The following KLRG1 variants were observed in gnomAD, a reference collection of about 807,000 sequenced individuals.
The protein encoded by KLRG1 is killer cell lectin-like receptor subfamily G member 1.
KLRG1 carries 16 observed loss-of-function variants against 21.8 expected under a neutral mutation model. The ratio of observed to expected loss-of-function variants is 0.73; its 90% CI spans 0.50 to 1.11. The LOEUF (loss-of-function observed/expected upper bound fraction) is 1.11, where lower values mean the gene tolerates loss of function less well. KLRG1 is among the 50% of genes most tolerant of loss of function. KLRG1 has a pLI of 0.00. For missense variants in KLRG1, 173 were observed against 218.3 expected, an observed-to-expected ratio of 0.79 and a Z score of 1.31; for synonymous variants, 69 against 75.9, an observed-to-expected ratio of 0.91 and a Z score of 0.47.
chr12:8,974,584 A>T (rs777837513), intron 1 of KLRG1, among the ~76,000 whole-genome samples: 7 of 152,262 alleles, frequency 4.6e-5, no homozygotes, highest in Middle Eastern at 6.8e-3. Context: ...TTATGAATGA[A>T]TGTCAAATTT....
chr12:8,990,392 C>A (rs1946933524), intron 1 of KLRG1: 1 of 152,054 alleles, frequency 6.6e-6, no homozygotes, highest in African/African-American at 2.4e-5. Context: ...GTATCGTAGG[C>A]AGTGAACTCC....
chr12:9,035,663 A>G, the KLRG1 span, among the ~76,000 whole-genome samples: 2 of 152,180 alleles, frequency 1.3e-5, no homozygotes, highest in African/African-American at 2.4e-5. Flanking sequence ...ACCCAAAGGA[A>G]TATAAATTGT....
At chr12:9,093,460 C>T in the KLRG1 span, 4 of 1,607,958 alleles carry the variant, frequency 2.5e-6, no homozygotes, top group Non-Finnish European at 3.4e-6. Context: ...CAGGAAGTTA[C>T]TTACTTTACC....
chr12:9,113,614 C>T, the KLRG1 span: 2 of 1,423,086 alleles, frequency 1.4e-6, no homozygotes, highest in Non-Finnish European at 2.0e-6. Flanking sequence ...CACTTTTTTC[C>T]ATCATCATAA....
intron 1 of KLRG1, among the ~76,000 whole-genome samples, chr12:8,965,716 T>C (rs1402741960): frequency 6.6e-6 from 1 of 152,238 alleles, no homozygotes; most frequent in Non-Finnish European, 1.5e-5. Context: ...GAACATTCCA[T>C]GCTCATGGGT....
chr12:9,143,831 A>C, the KLRG1 span, among the ~76,000 whole-genome samples: 1 of 152,212 alleles, frequency 6.6e-6, no homozygotes, highest in African/African-American at 2.4e-5. Context: ...TGGAGAGGAC[A>C]TAGGAATTTT....
chr12:8,953,220 T>C (rs1163038662), intron 1 of KLRG1, among the ~76,000 whole-genome samples: 2 of 152,176 alleles, frequency 1.3e-5, no homozygotes, highest in Non-Finnish European at 2.9e-5. Context: ...ATGGAACAGC[T>C]CTCAGCGGAG....
the KLRG1 span, among the ~76,000 whole-genome samples, chr12:9,059,955 G>C: frequency 6.6e-6 from 1 of 150,518 alleles, no homozygotes; most frequent in African/African-American, 2.5e-5. Flanking sequence ...AAAGTGTTGG[G>C]GTTACAGGTG....
chr12:9,132,018 T>G, the KLRG1 span, among the ~76,000 whole-genome samples: 1 of 152,100 alleles, frequency 6.6e-6, no homozygotes. Flanking sequence ...TTTGCTTTCT[T>G]AAAAAGAAGA....
chr12:9,069,154 G>T, the KLRG1 span: 1 of 200,562 alleles, frequency 5.0e-6, no homozygotes, highest in Middle Eastern at 1.8e-3. Flanking sequence ...ATTTGGTATA[G>T]TTTGACTTCT....
the KLRG1 span, among the ~76,000 whole-genome samples, chr12:9,203,373 G>A: frequency 3.7e-4 from 46 of 124,158 alleles, no homozygotes; most frequent in African/African-American, 1.4e-3. Flanking sequence ...ACGGAGTCTC[G>A]CTCTGTCGCC....
the KLRG1 span, among the ~76,000 whole-genome samples, chr12:9,129,395 CT>C: frequency 3.3e-5 from 5 of 151,800 alleles, no homozygotes; most frequent in Non-Finnish European, 7.4e-5. Context: ...TAAATTTTTT[CT>C]AATCTTTCTC....
At chr12:9,213,718 T>C in the KLRG1 span, among the ~76,000 whole-genome samples, 1 of 152,128 alleles carries the variant, frequency 6.6e-6, no homozygotes, top group Non-Finnish European at 1.5e-5. Flanking sequence ...GTTCTTTACA[T>C]ATTTTGGATC....
intron 1 of KLRG1, among the ~76,000 whole-genome samples, chr12:8,967,829 T>G (rs1360759585): frequency 6.6e-6 from 1 of 152,112 alleles, no homozygotes; most frequent in African/African-American, 2.4e-5. Context: ...GGTATACTAT[T>G]GTAAAGTTCA....
chr12:9,157,398 A>G, the KLRG1 span: 5 of 1,565,880 alleles, frequency 3.2e-6, no homozygotes, highest in Non-Finnish European at 4.3e-6. Flanking sequence ...GGGTGAATAG[A>G]GGGCAGAGCA....
chr12:9,095,511 C>T, the KLRG1 span: 1 of 1,596,382 alleles, frequency 6.3e-7, no homozygotes, highest in South Asian at 1.1e-5. Flanking sequence ...AGCTTAAGAT[C>T]AGACCATCTG....
chr12:9,091,529 A>G, the KLRG1 span: 1,325 of 1,233,906 alleles, frequency 1.1e-3, 2 homozygotes, highest in Non-Finnish European at 1.4e-3. Flanking sequence ...TGACTTAAAA[A>G]CACTCAATAG....
intron 3 of KLRG1, among the ~76,000 whole-genome samples, chr12:8,995,668 A>T (rs950315021): frequency 1.3e-5 from 2 of 150,184 alleles, no homozygotes; most frequent in African/African-American, 4.9e-5. Flanking sequence ...TACAGGTCCA[A>T]CAACAAGGCA....
the KLRG1 span, among the ~76,000 whole-genome samples, chr12:9,076,000 T>C: frequency 6.6e-6 from 1 of 152,216 alleles, no homozygotes; most frequent in African/African-American, 2.4e-5. Context: ...ATGGACATCT[T>C]GTGATTTGCA....
Sources: gnomAD v4.1 joint callset for allele counts (sites outside exome capture counted in the v4.1 genomes callset) on GRCh38, gnomAD v4.1.1 for gene constraint, MANE v1.5 for transcripts, NCBI Gene and HGNC (gene_info 2026-07-23, HGNC 2026-07-21) for gene names.